PPP1R3A: variants seen among roughly 807,000 people sequenced by gnomAD.
PPP1R3A encodes protein phosphatase 1 regulatory subunit 3A.
A neutral mutation model predicts 41.7 loss-of-function variants in PPP1R3A; 29 were observed. The observed-to-expected ratio is 0.70, with a 90% CI of 0.52 to 0.95. PPP1R3A has a LOEUF of 0.95. Ranked by LOEUF, PPP1R3A falls within the 40% of genes least tolerant of loss-of-function variation. PPP1R3A has a pLI of 0.00. For synonymous variants in PPP1R3A, 485 were observed against 453.4 expected, an observed-to-expected ratio of 1.07 and a Z score of -0.89; for missense variants, 1,352 against 1,292.4, an observed-to-expected ratio of 1.05 and a Z score of -0.71.
At chr7:113,892,502 C>G (rs571433420) in intron 1 of PPP1R3A, among the ~76,000 whole-genome samples, 1 of 152,144 alleles carries the variant, frequency 6.6e-6, no homozygotes, top group South Asian at 2.1e-4. Flanking sequence ...AGGCAAAATT[C>G]ATAATACATT....
In PPP1R3A at chr7:113,918,706, G is replaced by A. The variant is rs1252722268; in HGVS notation, c.291C>T (p.Asp97=). The change falls in exon 1 of 4, where the codon GAC becomes GAT. Residue 97 remains aspartate, a synonymous_variant. Coordinates refer to ENST00000284601, the MANE Select transcript of PPP1R3A (RefSeq NM_002711.4). ...SASTTFDLGT[D]IFHTEEYVLA... ...AAACATATTCTTCTGTGTGGAAAAT[G>A]TCCGTCCCTAAGTCAAAAGTGGTTG... The A allele has an allele frequency of 6.2e-7, 1 of 1,613,744 alleles. No individual in the cohort carries two copies. The highest frequency in any genetic ancestry group is 8.5e-7 in the Non-Finnish European group (1 of 1,179,864).
At chr7:113,912,678 C>T (rs973638145) in intron 1 of PPP1R3A, among the ~76,000 whole-genome samples, 8 of 152,064 alleles carry the variant, frequency 5.3e-5, no homozygotes, top group Non-Finnish European at 1.0e-4. Flanking sequence ...CACTTCATAA[C>T]GGTGCCATCT....
intron 1 of PPP1R3A, among the ~76,000 whole-genome samples, chr7:113,910,000 G>T (rs1187662234): frequency 6.6e-6 from 1 of 152,012 alleles, no homozygotes; most frequent in African/African-American, 2.4e-5. Context: ...CACTTGGCTG[G>T]GGAGGCCTCA....
intron 3 of PPP1R3A, among the ~76,000 whole-genome samples, chr7:113,881,398 T>C (rs899099760): frequency 6.6e-6 from 1 of 152,030 alleles, no homozygotes; most frequent in Non-Finnish European, 1.5e-5. Context: ...TATTTCTTCC[T>C]TTGTGATAAA....
chr7:113,910,035 C>T (rs989817607), intron 1 of PPP1R3A, among the ~76,000 whole-genome samples: 21 of 151,986 alleles, frequency 1.4e-4, no homozygotes, highest in African/African-American at 4.6e-4. Context: ...GACAAAGAAG[C>T]GAAGGCACAT....
chr7:113,918,829 G>T lies in PPP1R3A; in HGVS notation c.168C>A (p.Thr56=). ...AAACTCTTCTAGTACCTGAAGATGG[G>T]GTATCCAGGTATATGTCTTCAGAAG... The part of the protein sequence containing the change: ...SDSSEDIYLD[T]PSSGTRRVSF... Residue 56 remains threonine, a synonymous_variant, in exon 1 of 4, where the codon ACC becomes ACA. Transcript: ENST00000284601. 3.1e-6 allele frequency: 5 copies of T among 1,613,674 alleles called. No homozygotes were observed. Among genetic ancestry groups the T allele is most frequent in the Non-Finnish European group, 3.4e-6 (4 of 1,179,730 alleles).
intron 1 of PPP1R3A, among the ~76,000 whole-genome samples, chr7:113,894,627 T>G (rs1796949003): frequency 6.6e-6 from 1 of 151,910 alleles, no homozygotes; most frequent in Non-Finnish European, 1.5e-5. Flanking sequence ...TCATGTGTGT[T>G]TTTTTTCCTA....
chr7:113,882,217 C>G (rs1333251955), intron 2 of PPP1R3A, 45 bp downstream of exon 2: 1 of 1,587,036 alleles, frequency 6.3e-7, no homozygotes, highest in African/African-American at 1.3e-5. Flanking sequence ...TGTAGACTTT[C>G]ACAAAAGAGA....
Position 113,879,605 on chromosome 7 carries a change from C to A in PPP1R3A, c.1487G>T (p.Cys496Phe), listed in dbSNP as rs1181053072. The A allele has an allele frequency of 6.2e-7, 1 of 1,613,296 alleles. No homozygotes were observed. The highest frequency in any genetic ancestry group is 2.2e-5 in the East Asian group (1 of 44,820). ...RRDFHSDTSA[C>F]LKESTEEGSS... ...TCCTTCTTCTGTTGATTCTTTGAGA[C>A]ATGCCGACGTATCTGAATGGAAATC... The change falls in exon 4 of 4, where the codon TGT (cysteine) becomes TTT (phenylalanine). Residue 496 changes from cysteine (C) to phenylalanine (F), a missense_variant. Physicochemically the swap from Cys to Phe is radical, Grantham distance 205 (BLOSUM62 -2). Transcript: ENST00000284601.
At chr7:113,910,893 T>C (rs1381787244) in intron 1 of PPP1R3A, among the ~76,000 whole-genome samples, 1 of 152,102 alleles carries the variant, frequency 6.6e-6, no homozygotes, top group Non-Finnish European at 1.5e-5. Context: ...TTCAGTATAA[T>C]TTACAAATAT....
intron 1 of PPP1R3A, among the ~76,000 whole-genome samples, chr7:113,917,557 T>A (rs1797361395): frequency 6.6e-6 from 1 of 152,078 alleles, no homozygotes; most frequent in Non-Finnish European, 1.5e-5. Flanking sequence ...CTCCATTGAC[T>A]TTTACTAAAT....
intron 1 of PPP1R3A, among the ~76,000 whole-genome samples, chr7:113,907,449 A>G (rs1480340527): frequency 6.6e-6 from 1 of 151,668 alleles, no homozygotes; most frequent in Non-Finnish European, 1.5e-5. Flanking sequence ...TTACCTTGAA[A>G]AGTCTGAGTT....
At chr7:113,891,755 G>A (rs901268561) in intron 1 of PPP1R3A, among the ~76,000 whole-genome samples, 1 of 151,982 alleles carries the variant, frequency 6.6e-6, no homozygotes, top group African/African-American at 2.4e-5. Flanking sequence ...TCAAAATGTA[G>A]TCATTTTTAG....
rs772875804 is a variant in PPP1R3A at position 113,882,306 on chromosome 7, G to A, written c.797C>T (p.Ser266Leu). The change falls in exon 2 of 4, where the codon TCA becomes TTA. Residue 266 changes from serine to leucine, a missense_variant. Physicochemically the swap from Ser to Leu is moderately radical, Grantham distance 145. Transcript: ENST00000284601. ...AAAGTTATTTTCTTCTGATGTTACT[G>A]ATGATTCTTCTTTACTGTTAAATTT... Reference protein sequence around the residue: ...LKVKSSKEESSVTSEENNFEN... With the variant: ...LKVKSSKEESLVTSEENNFEN... 6.8e-7 allele frequency: 1 copy of A among 1,460,554 alleles called. No homozygotes were observed. The highest frequency in any genetic ancestry group is 1.1e-5 in the South Asian group (1 of 87,506). 90.5% of individuals were successfully genotyped at this position (1,460,554 alleles called of 1,614,324 possible).
intron 2 of PPP1R3A, 26 bp from the exon 3 acceptor site, chr7:113,882,189 A>G (rs760511738): frequency 3.1e-6 from 5 of 1,607,168 alleles, no homozygotes; most frequent in Admixed American, 1.7e-5. Context: ...AATTGTGCCT[A>G]TGTAAGATTG....
rs1361277822 is a variant in PPP1R3A, at chr7:113,877,702, G to C, written c.*21C>G. ...TGGGGTTAAATAGCTTATCTTTTAA[G>C]AGAGAATAGTAGTGCTGAGGTTACT... On this transcript the variant is annotated 3_prime_UTR_variant, in exon 4 of 4. Transcript: ENST00000284601. 1.3e-6 allele frequency: 2 copies of C among 1,521,616 alleles called. No homozygotes were observed. Among genetic ancestry groups the C allele is most frequent in the Non-Finnish European group, 1.8e-6 (2 of 1,138,434 alleles). 94.3% of individuals were successfully genotyped at this position (1,521,616 alleles called of 1,614,324 possible).
At chr7:113,908,858 A>G (rs1385138652) in intron 1 of PPP1R3A, among the ~76,000 whole-genome samples, 2 of 151,986 alleles carry the variant, frequency 1.3e-5, no homozygotes, top group Non-Finnish European at 2.9e-5. Flanking sequence ...ATCCACCTGG[A>G]GGCCATTATC....
chr7:113,910,352 G>GC (rs1445214348), intron 1 of PPP1R3A, among the ~76,000 whole-genome samples: 1 of 151,928 alleles, frequency 6.6e-6, no homozygotes, highest in African/African-American at 2.4e-5. Context: ...CCTACAAAAG[G>GC]ATTCAACAAA....
At chr7:113,910,131 C>T (rs181527620) in intron 1 of PPP1R3A, among the ~76,000 whole-genome samples, 177 of 152,102 alleles carry the variant, frequency 1.2e-3, no homozygotes, top group African/African-American at 4.1e-3. Flanking sequence ...TTCACTACCA[C>T]GAGAACAGTA....
Sources: allele counts gnomAD v4.1 joint callset (sites outside exome capture counted in the v4.1 genomes callset), GRCh38; gene constraint gnomAD v4.1.1; transcripts MANE v1.5; gene names NCBI Gene and HGNC (gene_info 2026-07-23, HGNC 2026-07-21).